RNF19A: variants seen among roughly 807,000 people sequenced by gnomAD.
RNF19A encodes the protein E3 ubiquitin-protein ligase RNF19A.
In RNF19A, 32 loss-of-function variants were observed where a neutral mutation model predicts 75.7. The observed-to-expected ratio is 0.42, with a 90% CI of 0.32 to 0.57. The LOEUF is 0.57. Ranked by LOEUF, RNF19A falls within the 20% of genes least tolerant of loss-of-function variation. The pLI, the probability that RNF19A is intolerant of heterozygous loss-of-function variation, is 0.10. For missense variants in RNF19A, 782 were observed against 1,036.3 expected, an observed-to-expected ratio of 0.75 and a Z score of 3.37; for synonymous variants, 335 against 345.2, an observed-to-expected ratio of 0.97 and a Z score of 0.33.
chr8:100,298,736 C>T (rs925985926), intron 1 of RNF19A, among the ~76,000 whole-genome samples: 1 of 152,168 alleles, frequency 6.6e-6, no homozygotes, highest in Non-Finnish European at 1.5e-5. Context: ...TTTAATAATA[C>T]TCATTACAAG....
At position 100,259,936 on chromosome 8, in the gene RNF19A, C is replaced by G. The variant is rs1273771865; in HGVS notation, c.1744G>C (p.Val582Leu). 1.2e-6 allele frequency: 2 copies of G among 1,613,946 alleles called. No homozygotes were observed. Among genetic ancestry groups the G allele is most frequent in the South Asian group, 2.2e-5 (2 of 91,080 alleles). ...RYSLSGESGT[V>L]SLGTVSDNAS... is the part of the protein sequence containing the mutation. ...TTATCACTAACTGTTCCCAAGCTGACTGTGCCAGATTCTCCACTTAGACTG... is the reference window on the plus strand; with the variant it reads ...TTATCACTAACTGTTCCCAAGCTGAGTGTGCCAGATTCTCCACTTAGACTG... Residue 582 changes from valine (V) to leucine (L), a missense_variant, in exon 9 of 10, where the codon GTC becomes CTC. Around this residue, in one of 7 missense-constraint regions of RNF19A, gnomAD observed 442 missense variants for 541.6 expected, o/e 0.82. Transcript: ENST00000341084. This position sits in a 1 kb window ranked among gnomAD's most constrained non-coding sequence, Gnocchi z 4.5.
In RNF19A at chr8:100,284,647, A is replaced by G. The variant is rs1167449898; in HGVS notation, c.674+2854T>C. On this transcript the variant is annotated intron_variant, in intron 2 of 9. Transcript: ENST00000341084. The surrounding 1 kb of genome is among the most constrained non-coding windows in gnomAD (Gnocchi z 4.3). Reference sequence around the variant, plus strand: ...ATTTTATATTTGAGTTAACATTTGAATTATCATCTCTAAAATATTAATACT... The same window carrying G: ...ATTTTATATTTGAGTTAACATTTGAGTTATCATCTCTAAAATATTAATACT... Among the ~76,000 whole-genome samples the G allele has an allele frequency of 1.3e-5, 2 of 152,100 alleles. No individual in the cohort carries two copies. The highest frequency in any genetic ancestry group is 6.5e-5 in the Admixed American group (1 of 15,272).
chr8:100,261,869 C>T lies in RNF19A; in HGVS notation c.1469-114G>A. 9.4e-7 allele frequency: 1 copy of T among 1,064,012 alleles called. No individual in the cohort carries two copies. Among genetic ancestry groups the T allele is most frequent in the Non-Finnish European group, 1.4e-6 (1 of 716,542 alleles). 65.9% of individuals were successfully genotyped at this position (1,064,012 alleles called of 1,614,324 possible). On this transcript the variant is annotated intron_variant, in intron 7 of 9. Transcript: ENST00000341084. The surrounding 1 kb of genome is among the most constrained non-coding windows in gnomAD (Gnocchi z 4.4). ...ATATAAGGTATAAAATATACGCAGA[C>T]ATGGAAAAATATTTTTTTCAGGCTA...
chr8:100,333,008 C>T lies in RNF19A; in HGVS notation c.-243+3100G>A, dbSNP rs1365832336. On this transcript the variant is annotated intron_variant, in intron 1 of 3. Transcript: ENST00000519527. This position sits in a 1 kb window ranked among gnomAD's most constrained non-coding sequence, Gnocchi z 4.7. ...TTTGCCAAGAACATGACAACTTTGACTCTTTTCTCTTTTTCACCCTCAGTA... is the reference window on the plus strand; with the variant it reads ...TTTGCCAAGAACATGACAACTTTGATTCTTTTCTCTTTTTCACCCTCAGTA... Among the ~76,000 whole-genome samples the T allele has an allele frequency of 6.6e-6, 1 of 152,056 alleles. No individual in the cohort carries two copies. Among genetic ancestry groups the T allele is most frequent in the Non-Finnish European group, 1.5e-5 (1 of 68,014 alleles).
At position 100,332,904 on chromosome 8, in the gene RNF19A, G is replaced by A. The variant is rs1822628997; in HGVS notation, c.-243+3204C>T. Reference sequence around the variant, plus strand: ...GAAATTAGCCTCTTTTCTATCATATGTGTTTCAATTTTTTTCTATATTGCT... The same window carrying A: ...GAAATTAGCCTCTTTTCTATCATATATGTTTCAATTTTTTTCTATATTGCT... On this transcript the variant is annotated intron_variant, in intron 1 of 3. Coordinates refer to the RNF19A transcript ENST00000519527. This position sits in a 1 kb window ranked among gnomAD's most constrained non-coding sequence, Gnocchi z 4.8. Among the ~76,000 whole-genome samples, 1 of 152,094 alleles carries A rather than the reference G, an allele frequency of 6.6e-6. No individual in the cohort carries two copies. Among genetic ancestry groups the A allele is most frequent in the Non-Finnish European group, 1.5e-5 (1 of 68,006 alleles).
intron 1 of RNF19A, among the ~76,000 whole-genome samples, chr8:100,288,609 G>A (rs1821142946): frequency 6.6e-6 from 1 of 152,096 alleles, no homozygotes; most frequent in South Asian, 2.1e-4. Context: ...AAATACAAAG[G>A]GCTAAGAATA....
At chr8:100,310,151 C>T (rs1410878667), upstream of RNF19A, 12 of 985,306 alleles carry the variant, frequency 1.2e-5, no homozygotes, top group Non-Finnish European at 1.4e-5. Flanking sequence ...CCCACTTCTT[C>T]CTCCCGCCCC....
intron 1 of RNF19A, chr8:100,303,420 T>A (rs1416424543): frequency 6.6e-6 from 1 of 152,234 alleles, no homozygotes; most frequent in African/African-American, 2.4e-5. Context: ...TCCAGGATGA[T>A]CTTATCTCAA....
intron 1 of RNF19A, among the ~76,000 whole-genome samples, chr8:100,307,716 C>T (rs1369470150): frequency 6.6e-6 from 1 of 151,900 alleles, no homozygotes; most frequent in Non-Finnish European, 1.5e-5. Flanking sequence ...TAGAGGTGAC[C>T]CAAGTGTCTT....
At chr8:100,272,898 C>T (rs1258224573) in intron 3 of RNF19A, among the ~76,000 whole-genome samples, 1 of 151,392 alleles carries the variant, frequency 6.6e-6, no homozygotes, top group Non-Finnish European at 1.5e-5. Context: ...CAGGGTCTCA[C>T]TCTGTCACCC....
chr8:100,265,660 T>A (rs1002931092), intron 5 of RNF19A, among the ~76,000 whole-genome samples: 4 of 152,172 alleles, frequency 2.6e-5, no homozygotes, highest in Non-Finnish European at 5.9e-5. Context: ...ATGGGACTTA[T>A]AAAATAATCT....
chr8:100,273,763 G>A (rs1396545175), intron 3 of RNF19A, among the ~76,000 whole-genome samples: 1 of 152,012 alleles, frequency 6.6e-6, no homozygotes, highest in Non-Finnish European at 1.5e-5. Flanking sequence ...AGCATTATTA[G>A]TATCTTTATT....
chr8:100,310,265 G>A (rs1009744834), upstream of RNF19A: 2 of 983,848 alleles, frequency 2.0e-6, no homozygotes, highest in Non-Finnish European at 2.4e-6. Flanking sequence ...CCTTGCGCAC[G>A]TTCGTTCCGC....
In RNF19A at chr8:100,331,129, G is replaced by A. The variant is rs141118360; in HGVS notation, c.-243+4979C>T. On this transcript the variant is annotated intron_variant, in intron 1 of 3. Transcript: ENST00000519527. The surrounding 1 kb of genome is among the most constrained non-coding windows in gnomAD (Gnocchi z 5.2). Reference sequence around the variant, plus strand: ...TAAGCACATCCCATATGGGTCAGGTGCTGGGCAATTCAATAAGAAAGACAA... The same window carrying A: ...TAAGCACATCCCATATGGGTCAGGTACTGGGCAATTCAATAAGAAAGACAA... 6.6e-6 allele frequency among the ~76,000 whole-genome samples: 1 copy of A among 152,260 alleles called. No individual in the cohort carries two copies. Among genetic ancestry groups the A allele is most frequent in the Non-Finnish European group, 1.5e-5 (1 of 68,030 alleles).
At chr8:100,315,783 A>G (rs1822364326) in intron 1 of RNF19A, among the ~76,000 whole-genome samples, 1 of 152,212 alleles carries the variant, frequency 6.6e-6, no homozygotes, top group Non-Finnish European at 1.5e-5. Flanking sequence ...AGCTGGGACT[A>G]CAGGTGTGTG....
In RNF19A at chr8:100,264,305, G is replaced by T; in HGVS notation, c.1307-110C>A. On this transcript the variant is annotated intron_variant, in intron 6 of 9. Transcript: ENST00000341084. The surrounding 1 kb of genome is among the most constrained non-coding windows in gnomAD (Gnocchi z 4.7). ...GAGTCATACAGAGAAAAGCGCCAGG[G>T]TTCTGAAGAGTTGGCTGGAACATTT... 1.1e-6 allele frequency: 1 copy of T among 916,396 alleles called. No homozygotes were observed. 56.8% of individuals were successfully genotyped at this position (916,396 alleles called of 1,614,324 possible).
rs189291374 is a variant in RNF19A at position 100,266,315 on chromosome 8, G to A, written c.1192-1530C>T. The stretch of plus-strand genomic sequence containing the variant: ...CCCTTTGGGTACATGTTTGAAAAAA[G>A]GAGATCTGTAACTGTACCCTATGAC... On this transcript the variant is annotated intron_variant, in intron 5 of 9. Coordinates refer to ENST00000341084, the MANE Select transcript of RNF19A (RefSeq NM_183419.4). Among the ~76,000 whole-genome samples the A allele has an allele frequency of 3.9e-5, 6 of 152,166 alleles. 1 individual carries two copies. The highest frequency in any genetic ancestry group is 1.4e-4 in the African/African-American group (6 of 41,508).
intron 5 of RNF19A, chr8:100,268,561 A>AAG: frequency 2.9e-6 from 1 of 347,982 alleles, no homozygotes. Flanking sequence ...TAAAATTTTC[A>AAG]GATTCAGAAC....
chr8:100,298,891 A>C (rs74756721), intron 1 of RNF19A, among the ~76,000 whole-genome samples: 3,320 of 152,334 alleles, frequency 0.022, 65 homozygotes, highest in Non-Finnish European at 0.035. Flanking sequence ...ATACACCATT[A>C]GGAAAACCAC....
Sources: allele counts gnomAD v4.1 joint callset (sites outside exome capture counted in the v4.1 genomes callset), GRCh38; gene constraint gnomAD v4.1.1; regional missense constraint gnomAD v4.1.1; non-coding constraint Gnocchi (gnomAD v3.1); transcripts MANE v1.5; gene names NCBI Gene and HGNC (gene_info 2026-07-23, HGNC 2026-07-21).